IWS1: variants seen among roughly 807,000 people sequenced by gnomAD.
The protein encoded by IWS1 is interacts with SUPT6H, CTD assembly factor 1, also known as protein IWS1 homolog.
Under a neutral mutation model 86.7 loss-of-function variants are expected in IWS1, and 27 were observed. The observed-to-expected ratio is 0.31, with a 90% confidence interval of 0.23 to 0.43. IWS1 has a LOEUF of 0.43. Ranked by LOEUF, IWS1 falls within the 20% of genes least tolerant of loss-of-function variation. IWS1 has a pLI of 1.00. For synonymous variants in IWS1, 313 were observed against 335.1 expected (o/e 0.93, Z 0.72); for missense variants, 827 against 1,000.8 (o/e 0.83, Z 2.34).
intron 2 of IWS1, among the ~76,000 whole-genome samples, chr2:127,521,811 C>T (rs1692110584): frequency 6.6e-6 from 1 of 152,152 alleles, no homozygotes; most frequent in South Asian, 2.1e-4. Flanking sequence ...AAAACAGCCA[C>T]ACTTATTTAT....
At chr2:127,498,326 CAAA>C in intron 5 of IWS1, 89 bp from the exon 6 acceptor site, 1 of 1,271,866 alleles carries the variant, frequency 7.9e-7, no homozygotes. Flanking sequence ...AATTCATTCA[CAAA>C]GAACAAAAAT....
rs757997761 is a variant in IWS1, at chr2:127,496,028, G to A, written c.1686C>T (p.Ala562=). 6.2e-7 allele frequency: 1 copy of A among 1,613,464 alleles called. No homozygotes were observed. Among genetic ancestry groups the A allele is most frequent in the Non-Finnish European group, 8.5e-7 (1 of 1,179,754 alleles). The change falls in exon 7 of 14, where the codon GCC becomes GCT. Residue 562 remains alanine, a synonymous_variant. Coordinates refer to ENST00000295321, the MANE Select transcript of IWS1 (RefSeq NM_017969.3). ...CAGCTTCATTCATCTTGACGATCATGGCACTCACGACGTCGTCTGCATCAC... is the reference window on the plus strand; with the variant it reads ...CAGCTTCATTCATCTTGACGATCATAGCACTCACGACGTCGTCTGCATCAC... ...FISDADDVVS[A]MIVKMNEAAE... is the part of the protein sequence containing the mutation.
rs192331915 is a variant in IWS1 at position 127,525,429 on chromosome 2, T to C, written c.34+746A>G. On this transcript the variant is annotated intron_variant, in intron 1 of 13. Transcript: ENST00000295321. The stretch of plus-strand genomic sequence containing the variant: ...TTAATTTTCAATTTTTGTGGGTACA[T>C]AGAGGGTGTATTTATTTATGGTGTA... Among the ~76,000 whole-genome samples the C allele has an allele frequency of 8.7e-4, 133 of 152,280 alleles. 1 individual carries two copies. Among genetic ancestry groups the C allele is most frequent in the Admixed American group, 8.2e-3 (126 of 15,286 alleles).
intron 13 of IWS1, 39 bp downstream of exon 13, chr2:127,486,514 G>C: frequency 7.5e-7 from 1 of 1,335,358 alleles, no homozygotes; most frequent in Non-Finnish European, 1.1e-6. Flanking sequence ...ACAGTAATCT[G>C]CAGGTGAGAT....
At position 127,503,579 on chromosome 2, in the gene IWS1, G is replaced by C; in HGVS notation, c.1220-3C>G. On this transcript the variant is annotated splice_region_variant and splice_polypyrimidine_tract_variant and intron_variant, in intron 3 of 13. Transcript: ENST00000295321. Reference sequence around the variant, plus strand: ...GACAACACGACTCTTCTTTGCTGCTGTTGAAAAAGAAAATCATCATTAATT... The same window carrying C: ...GACAACACGACTCTTCTTTGCTGCTCTTGAAAAAGAAAATCATCATTAATT... The C allele has an allele frequency of 6.4e-7, 1 of 1,555,322 alleles. No homozygotes were observed. The highest frequency in any genetic ancestry group is 8.7e-7 in the Non-Finnish European group (1 of 1,149,068).
chr2:127,516,203 A>G lies in IWS1; in HGVS notation c.150+7473T>C, dbSNP rs1691764060. Among the ~76,000 whole-genome samples the G allele has an allele frequency of 2.0e-5, 3 of 152,194 alleles. No homozygotes were observed. The South Asian group carries it at 6.2e-4, about 32-fold the overall frequency. On this transcript the variant is annotated intron_variant, in intron 2 of 13. Coordinates refer to ENST00000295321, the MANE Select transcript of IWS1 (RefSeq NM_017969.3). ...TGGCAAAACTCCATGTCTACAACAC[A>G]AAAATTAGCTGGGCGTGTGGTGTAT...
intron 2 of IWS1, among the ~76,000 whole-genome samples, chr2:127,522,153 C>T (rs538123232): frequency 6.6e-6 from 1 of 152,188 alleles, no homozygotes; most frequent in African/African-American, 2.4e-5. Flanking sequence ...TCCCCTACCC[C>T]TTAATGACCC....
chr2:127,501,465 A>G (rs1433640934), intron 5 of IWS1, among the ~76,000 whole-genome samples: 1 of 152,116 alleles, frequency 6.6e-6, no homozygotes. Flanking sequence ...TCGAGAATCT[A>G]TGGTTTAGGT....
chr2:127,491,410 C>T (rs541493546), intron 10 of IWS1, among the ~76,000 whole-genome samples: 4 of 151,832 alleles, frequency 2.6e-5, no homozygotes, highest in South Asian at 4.1e-4. Flanking sequence ...TCCATGCTCT[C>T]GACCCATGAC....
chr2:127,503,666 G>T, intron 3 of IWS1, 90 bp from the exon 4 acceptor site: 1 of 458,140 alleles, frequency 2.2e-6, no homozygotes, highest in Admixed American at 5.6e-5. Context: ...GCAGTATACA[G>T]CAAAAATAAA....
At chr2:127,523,101 C>T (rs949805200) in intron 2 of IWS1, among the ~76,000 whole-genome samples, 4 of 152,026 alleles carry the variant, frequency 2.6e-5, no homozygotes, top group African/African-American at 9.7e-5. Context: ...CCCAGCTACT[C>T]GGGAGGCTAT....
intron 12 of IWS1, among the ~76,000 whole-genome samples, chr2:127,487,686 G>A (rs1689999209): frequency 6.6e-6 from 1 of 152,214 alleles, no homozygotes; most frequent in South Asian, 2.1e-4. Context: ...AAGTAGCTGG[G>A]ACTACAGGCG....
intron 6 of IWS1, 127 bp from the exon 7 acceptor site, chr2:127,496,275 G>T: frequency 1.9e-6 from 2 of 1,032,858 alleles, no homozygotes; most frequent in Non-Finnish European, 2.8e-6. Context: ...TTTTAAAAGT[G>T]CAAATACAGT....
intron 6 of IWS1, among the ~76,000 whole-genome samples, chr2:127,497,053 C>T (rs1690549112): frequency 6.6e-6 from 1 of 152,266 alleles, no homozygotes; most frequent in South Asian, 2.1e-4. Context: ...TTGTATAATA[C>T]TATGATATTG....
At chr2:127,527,094 C>T (rs951338999), upstream of IWS1, among the ~76,000 whole-genome samples, 15 of 152,238 alleles carry the variant, frequency 9.9e-5, no homozygotes, top group African/African-American at 3.6e-4. Context: ...TACCTGAGCC[C>T]TGTGTTCCTG....
At chr2:127,483,361 G>A (rs547132964) in intron 13 of IWS1, among the ~76,000 whole-genome samples, 6 of 151,950 alleles carry the variant, frequency 3.9e-5, no homozygotes, top group African/African-American at 1.2e-4. Flanking sequence ...GGTGGCTCCC[G>A]CCCGTAATCC....
chr2:127,490,896 ATAAACT>A (rs1166886217), intron 10 of IWS1: 3 of 152,268 alleles, frequency 2.0e-5, no homozygotes, highest in Non-Finnish European at 2.9e-5. Context: ...AAAGCTTTTG[ATAAACT>A]TAACAATTCA....
chr2:127,516,626 T>C (rs1464989698), intron 2 of IWS1, among the ~76,000 whole-genome samples: 4 of 152,040 alleles, frequency 2.6e-5, no homozygotes, highest in Non-Finnish European at 4.4e-5. Flanking sequence ...CCAGGCATGA[T>C]GGTACGCAAC....
chr2:127,487,683 T>C (rs1027196315), intron 12 of IWS1, among the ~76,000 whole-genome samples: 3 of 152,136 alleles, frequency 2.0e-5, no homozygotes, highest in Non-Finnish European at 4.4e-5. Flanking sequence ...ACAAAGTAGC[T>C]GGGACTACAG....
Sources: gnomAD v4.1 joint callset for allele counts (sites outside exome capture counted in the v4.1 genomes callset) on GRCh38, gnomAD v4.1.1 for gene constraint, MANE v1.5 for transcripts, NCBI Gene and HGNC (gene_info 2026-07-23, HGNC 2026-07-21) for gene names.